The following GLIS3 variants were observed in gnomAD, a reference collection of about 807,000 sequenced individuals.
GLIS3 encodes GLIS family zinc finger 3.
Under a neutral mutation model 78.6 loss-of-function variants are expected in GLIS3, and 53 were observed. That is an observed-to-expected ratio of 0.67 (90% CI 0.54 to 0.85). GLIS3 has a LOEUF of 0.85. Ranked by LOEUF, GLIS3 falls within the 40% of genes least tolerant of loss-of-function variation. GLIS3 has a pLI of 0.00. For synonymous variants in GLIS3, 684 were observed against 509.9 expected (o/e 1.34, Z -4.60); for missense variants, 1,703 against 1,231.1 (o/e 1.38, Z -5.74).
At chr9:4,026,766 C>T (rs1196810040) in intron 4 of GLIS3, among the ~76,000 whole-genome samples, 2 of 152,142 alleles carry the variant, frequency 1.3e-5, no homozygotes, top group African/African-American at 4.8e-5. Flanking sequence ...TTTATCCATT[C>T]AAATTATCAG....
the GLIS3 span, among the ~76,000 whole-genome samples, chr9:4,392,361 C>G: frequency 1.1e-4 from 17 of 152,090 alleles, no homozygotes; most frequent in Non-Finnish European, 2.1e-4. Flanking sequence ...GCCTATGTAA[C>G]CTGCATATCC....
chr9:3,928,249 T>G (rs1272069337), intron 6 of GLIS3, among the ~76,000 whole-genome samples: 2 of 152,134 alleles, frequency 1.3e-5, no homozygotes, highest in South Asian at 2.1e-4. Flanking sequence ...ATTACTAATA[T>G]TCTATTAATA....
chr9:4,278,045 T>G (rs548525342), intron 2 of GLIS3, among the ~76,000 whole-genome samples: 1 of 152,262 alleles, frequency 6.6e-6, no homozygotes, highest in East Asian at 1.9e-4. Flanking sequence ...ATTTTTAAAC[T>G]AATTTCTATT....
In GLIS3 at chr9:3,879,536, G is replaced by T. The variant is rs1208602197; in HGVS notation, c.2188C>A (p.Pro730Thr). The T allele has an allele frequency of 6.2e-7, 1 of 1,613,988 alleles. No homozygotes were observed. The highest frequency in any genetic ancestry group is 2.2e-5 in the East Asian group (1 of 44,886). Residue 730 changes from proline (P) to threonine (T), a missense_variant, in exon 8 of 11, where the codon CCC (proline) becomes ACC (threonine). Transcript: ENST00000381971. ...RSGTAAGAVP[P>T]PHPVSHPSPG... ...GAAGGGTGACTGACAGGATGTGGGG[G>T]TGGTACGGCCCCAGCAGCTGTTCCA...
At chr9:4,013,038 G>T (rs925661695) in intron 4 of GLIS3, among the ~76,000 whole-genome samples, 1 of 152,048 alleles carries the variant, frequency 6.6e-6, no homozygotes, top group Non-Finnish European at 1.5e-5. Context: ...CTCCCAAAGT[G>T]CTGGGATTAC....
At chr9:3,927,704 T>G (rs622536) in intron 6 of GLIS3, among the ~76,000 whole-genome samples, 1 of 152,060 alleles carries the variant, frequency 6.6e-6, no homozygotes, top group Non-Finnish European at 1.5e-5. Context: ...CAACCTCTCC[T>G]AAATCCTGCA....
chr9:4,382,583 T>C, the GLIS3 span, among the ~76,000 whole-genome samples: 1 of 152,126 alleles, frequency 6.6e-6, no homozygotes, highest in Admixed American at 6.6e-5. Flanking sequence ...TAGCAATCAG[T>C]TTTTCTCTTG....
intron 4 of GLIS3, chr9:4,035,862 T>A (rs1824256819): frequency 6.6e-6 from 1 of 152,322 alleles, no homozygotes. Flanking sequence ...CTCCTGGGAC[T>A]GGAATGCTCC....
At chr9:3,910,543 G>T (rs927206778) in intron 6 of GLIS3, among the ~76,000 whole-genome samples, 1 of 152,134 alleles carries the variant, frequency 6.6e-6, no homozygotes, top group African/African-American at 2.4e-5. Context: ...CAGAGACAGG[G>T]TCTCACCATG....
intron 4 of GLIS3, among the ~76,000 whole-genome samples, chr9:3,953,805 A>T (rs879387968): frequency 1.5e-5 from 1 of 65,092 alleles, no homozygotes; most frequent in East Asian, 4.1e-4. Flanking sequence ...CTATATATAT[A>T]TATATATATA....
At chr9:3,881,253 A>G (rs1314290494) in intron 7 of GLIS3, among the ~76,000 whole-genome samples, 7 of 152,178 alleles carry the variant, frequency 4.6e-5, no homozygotes, top group African/African-American at 1.7e-4. Flanking sequence ...GGTCATAGAG[A>G]TACTATGAAA....
At chr9:4,458,306 A>G in the GLIS3 span, among the ~76,000 whole-genome samples, 3 of 152,220 alleles carry the variant, frequency 2.0e-5, no homozygotes, top group African/African-American at 7.2e-5. Context: ...CTGGGGACAC[A>G]GTAGTGACAA....
At chr9:3,877,497 C>T (rs562301157) in intron 8 of GLIS3, among the ~76,000 whole-genome samples, 1 of 152,248 alleles carries the variant, frequency 6.6e-6, no homozygotes, top group South Asian at 2.1e-4. Context: ...TTTATAATCA[C>T]CTAAAGTTCA....
chr9:4,437,984 T>A, the GLIS3 span, among the ~76,000 whole-genome samples: 1 of 152,210 alleles, frequency 6.6e-6, no homozygotes, highest in African/African-American at 2.4e-5. Context: ...CTATTCATAG[T>A]TAAGTTCTCA....
At chr9:4,376,427 T>TGG in the GLIS3 span, among the ~76,000 whole-genome samples, 51 of 137,970 alleles carry the variant, frequency 3.7e-4, no homozygotes, top group Admixed American at 5.8e-4. Context: ...ATATGCTCTC[T>TGG]TTCTAAACAC....
intron 2 of GLIS3, among the ~76,000 whole-genome samples, chr9:4,178,038 T>C (rs1316672605): frequency 6.6e-6 from 1 of 152,140 alleles, no homozygotes; most frequent in East Asian, 1.9e-4. Context: ...ATTTATGGAG[T>C]GAAGCTAGCA....
chr9:3,908,706 G>GTTTTTTTTTTTTTTTTTTTTTT (rs34789708), intron 6 of GLIS3, among the ~76,000 whole-genome samples: 8 of 85,552 alleles, frequency 9.4e-5, no homozygotes, highest in Admixed American at 1.5e-4. Context: ...ATTTGTATTT[G>GTTTTTTTTTTTTTTTTTTTTTT]TTTTTTTTTT....
At chr9:4,084,510 G>A (rs976324511) in intron 4 of GLIS3, among the ~76,000 whole-genome samples, 2 of 152,120 alleles carry the variant, frequency 1.3e-5, no homozygotes, top group African/African-American at 2.4e-5. Context: ...GAGACGAGGA[G>A]GAGCAGCTGG....
At chr9:4,092,949 C>A (rs112882362) in intron 4 of GLIS3, among the ~76,000 whole-genome samples, 2 of 152,126 alleles carry the variant, frequency 1.3e-5, no homozygotes, top group Non-Finnish European at 1.5e-5. Context: ...CCCCCATGCA[C>A]GTGAATAATG....
Sources: allele counts gnomAD v4.1 joint callset (sites outside exome capture counted in the v4.1 genomes callset), GRCh38; gene constraint gnomAD v4.1.1; transcripts MANE v1.5; gene names NCBI Gene and HGNC (gene_info 2026-07-23, HGNC 2026-07-21).